Variants in PCDH9 observed in about 807,000 individuals in gnomAD.
PCDH9 encodes protocadherin-9.
PCDH9 carries 24 observed loss-of-function variants against 70.6 expected under a neutral mutation model. That is an observed-to-expected ratio of 0.34 (90% CI 0.25 to 0.48). The LOEUF is 0.48. Ranked by LOEUF, PCDH9 falls within the 20% of genes least tolerant of loss-of-function variation. The pLI, the probability that PCDH9 is intolerant of heterozygous loss-of-function variation, is 0.99. For missense variants in PCDH9, 1,281 were observed against 1,503.6 expected, an observed-to-expected ratio of 0.85 and a Z score of 2.45; for synonymous variants, 562 against 558.5, an observed-to-expected ratio of 1.01 and a Z score of -0.09.
chr13:66,472,379 GGGCAACTT>G (rs56763509), intron 4 of PCDH9, among the ~76,000 whole-genome samples: 90,717 of 151,106 alleles, frequency 0.6, 27,764 homozygotes, highest in East Asian at 0.76. Flanking sequence ...AGACCAGCCT[GGGCAACTT>G]GGCAAAACCT....
intron 3 of PCDH9, among the ~76,000 whole-genome samples, chr13:66,871,831 C>A (rs1407372794): frequency 6.6e-6 from 1 of 151,832 alleles, no homozygotes; most frequent in Admixed American, 6.6e-5. Flanking sequence ...TCATTACCAC[C>A]CCCCCCTCAA....
At chr13:66,470,380 C>A (rs1287520202) in intron 4 of PCDH9, among the ~76,000 whole-genome samples, 1 of 152,144 alleles carries the variant, frequency 6.6e-6, no homozygotes, top group Non-Finnish European at 1.5e-5. Flanking sequence ...CCAGTTCCTG[C>A]TCCTTAAAAT....
intron 2 of PCDH9, among the ~76,000 whole-genome samples, chr13:67,073,853 A>C (rs868559476): frequency 1.3e-5 from 2 of 152,082 alleles, no homozygotes; most frequent in Admixed American, 1.3e-4. Context: ...AAATACTTTT[A>C]TTTCTAATAA....
chr13:66,418,398 T>TA (rs1245807373), intron 4 of PCDH9, among the ~76,000 whole-genome samples: 1 of 152,224 alleles, frequency 6.6e-6, no homozygotes, highest in Non-Finnish European at 1.5e-5. Context: ...GTTGTTTGGT[T>TA]ACTGTAGCCT....
At chr13:66,568,024 C>A (rs1041729767) in intron 4 of PCDH9, among the ~76,000 whole-genome samples, 3 of 152,042 alleles carry the variant, frequency 2.0e-5, no homozygotes, top group Non-Finnish European at 2.9e-5. Context: ...TGTCTGTGCC[C>A]ACCCAAAATT....
At chr13:66,435,699 A>T (rs982712445) in intron 4 of PCDH9, among the ~76,000 whole-genome samples, 4 of 152,216 alleles carry the variant, frequency 2.6e-5, no homozygotes, top group Non-Finnish European at 2.9e-5. Flanking sequence ...ATTGACTGAG[A>T]CTAATGAAAT....
At position 67,228,307 on chromosome 13, in the gene PCDH9, T is replaced by C; in HGVS notation, c.134A>G (p.Lys45Arg). 1.2e-6 allele frequency: 2 copies of C among 1,614,218 alleles called. No homozygotes were observed. Among genetic ancestry groups the C allele is most frequent in the Non-Finnish European group, 1.7e-6 (2 of 1,180,028 alleles). The change falls in exon 2 of 5, where the codon AAG becomes AGG. Residue 45 changes from lysine to arginine, a missense_variant. Around this residue, in one of 4 missense-constraint regions of PCDH9, gnomAD observed 798 missense variants for 1,003.1 expected, o/e 0.80. Coordinates refer to ENST00000377865, the MANE Select transcript of PCDH9 (RefSeq NM_203487.3). The stretch of plus-strand genomic sequence containing the variant: ...ATTGATGTGAGAAATGTTCAGATCC[T>C]TTGGTATGTTTCCTATGGGCACATT... ...PENVPIGNIP[K>R]DLNISHINAA...
intron 4 of PCDH9, among the ~76,000 whole-genome samples, chr13:66,487,693 T>G (rs1425452600): frequency 1.3e-5 from 2 of 152,150 alleles, no homozygotes; most frequent in East Asian, 3.9e-4. Flanking sequence ...AGCTACCACT[T>G]CAAATCCCTA....
intron 3 of PCDH9, among the ~76,000 whole-genome samples, chr13:66,769,228 T>A (rs557760479): frequency 6.6e-5 from 10 of 151,812 alleles, no homozygotes; most frequent in Admixed American, 5.9e-4. Flanking sequence ...GAAAAAAAAA[T>A]GTTCTTTGAG....
chr13:66,810,215 C>T (rs1386655264), intron 3 of PCDH9, among the ~76,000 whole-genome samples: 2 of 151,900 alleles, frequency 1.3e-5, no homozygotes, highest in South Asian at 2.1e-4. Context: ...GCTTAGAATC[C>T]TTTTTTATGA....
chr13:66,638,774 T>C (rs1405108428), intron 3 of PCDH9, among the ~76,000 whole-genome samples: 1 of 152,202 alleles, frequency 6.6e-6, no homozygotes, highest in Non-Finnish European at 1.5e-5. Flanking sequence ...CGAAATATTA[T>C]TGTCCATCCT....
At chr13:67,196,411 C>T (rs745592238) in intron 2 of PCDH9, among the ~76,000 whole-genome samples, 1 of 151,974 alleles carries the variant, frequency 6.6e-6, no homozygotes, top group African/African-American at 2.4e-5. Flanking sequence ...GGATGTTTTA[C>T]TCCTGAGTCA....
intron 3 of PCDH9, among the ~76,000 whole-genome samples, chr13:66,829,936 AG>A (rs2080896784): frequency 8.8e-6 from 1 of 113,610 alleles, no homozygotes; most frequent in Non-Finnish European, 1.8e-5. Flanking sequence ...ATTATATAAA[AG>A]AATAGAAAAT....
chr13:66,405,958 G>A (rs977391629), intron 4 of PCDH9, among the ~76,000 whole-genome samples: 14 of 152,110 alleles, frequency 9.2e-5, no homozygotes, highest in Admixed American at 8.5e-4. Flanking sequence ...GAATGAGTCA[G>A]GGAGGAGGTG....
At chr13:66,365,416 C>A (rs889735151) in intron 4 of PCDH9, among the ~76,000 whole-genome samples, 8 of 152,152 alleles carry the variant, frequency 5.3e-5, no homozygotes, top group Admixed American at 2.0e-4. Flanking sequence ...ACAATGTCAC[C>A]AGCTCCCTCA....
intron 3 of PCDH9, among the ~76,000 whole-genome samples, chr13:66,816,855 G>GA (rs2080613955): frequency 7.7e-6 from 1 of 129,546 alleles, no homozygotes; most frequent in East Asian, 2.3e-4. Flanking sequence ...TGTAAAACAA[G>GA]GTTTTTTTTT....
At chr13:66,479,870 T>C (rs963970588) in intron 4 of PCDH9, among the ~76,000 whole-genome samples, 1 of 152,148 alleles carries the variant, frequency 6.6e-6, no homozygotes, top group East Asian at 1.9e-4. Flanking sequence ...CAGCAGGACG[T>C]GGGCAGGGAC....
At chr13:66,526,145 A>G (rs746170117) in intron 4 of PCDH9, among the ~76,000 whole-genome samples, 9 of 152,108 alleles carry the variant, frequency 5.9e-5, no homozygotes, top group Non-Finnish European at 1.3e-4. Flanking sequence ...CGAAGTTTCC[A>G]TTTCTATCAG....
Position 66,304,625 on chromosome 13 carries a change from T to C in PCDH9, c.*30A>G. 1 of 1,583,560 alleles carries C rather than the reference T, an allele frequency of 6.3e-7. No homozygotes were observed. Among genetic ancestry groups the C allele is most frequent in the Non-Finnish European group, 8.7e-7 (1 of 1,154,992 alleles). ...CGCACACGGTATTAGCATGTCTATT[T>C]AAAGTTATTAGGTCCCATATAGCCT... On this transcript the variant is annotated 3_prime_UTR_variant, in exon 5 of 5. Coordinates refer to ENST00000377865, the MANE Select transcript of PCDH9 (RefSeq NM_203487.3).
Sources: gnomAD v4.1 joint callset for allele counts (sites outside exome capture counted in the v4.1 genomes callset) on GRCh38, gnomAD v4.1.1 for gene constraint, gnomAD v4.1.1 regional missense constraint, MANE v1.5 for transcripts, NCBI Gene and HGNC (gene_info 2026-07-23, HGNC 2026-07-21) for gene names.